USP32: variants seen among roughly 807,000 people sequenced by gnomAD.
USP32 encodes ubiquitin carboxyl-terminal hydrolase 32.
USP32 carries 59 observed loss-of-function variants against 204.8 expected under a neutral mutation model. That is an observed-to-expected ratio of 0.29 (90% CI 0.23 to 0.36). The LOEUF (loss-of-function observed/expected upper bound fraction) is 0.36. Among genes scored for constraint, USP32 ranks in the 10% least tolerant of loss-of-function variants. The pLI, the probability that USP32 is intolerant of heterozygous loss-of-function variation, is 1.00. For synonymous variants in USP32, 517 were observed against 678.4 expected (o/e 0.76, Z 3.70); for missense variants, 1,160 against 1,946.4 (o/e 0.60, Z 7.60).
chr17:60,368,008 T>TACTA (rs796154522), intron 1 of USP32, among the ~76,000 whole-genome samples: 4 of 152,000 alleles, frequency 2.6e-5, no homozygotes, highest in African/African-American at 9.7e-5. Context: ...TACATGCAAA[T>TACTA]ACTACACCAT....
upstream of USP32, chr17:60,392,512 C>A: frequency 3.2e-6 from 1 of 308,678 alleles, no homozygotes; most frequent in Admixed American, 4.0e-5. Flanking sequence ...CATGTTCTGG[C>A]GTTCGGCGGG....
chr17:60,236,104 G>A, intron 12 of USP32, 34 bp downstream of exon 12: 2 of 1,572,546 alleles, frequency 1.3e-6, no homozygotes, highest in Non-Finnish European at 1.7e-6. Flanking sequence ...TGAAAATCCT[G>A]TGAAAAATGT....
intron 21 of USP32, among the ~76,000 whole-genome samples, chr17:60,210,031 T>C (rs1275133160): frequency 1.3e-5 from 2 of 152,076 alleles, no homozygotes; most frequent in African/African-American, 2.4e-5. Flanking sequence ...TAATATAATG[T>C]TGTCTTCAAC....
intron 11 of USP32, among the ~76,000 whole-genome samples, chr17:60,239,403 CA>C (rs2085817723): frequency 1.3e-5 from 2 of 152,304 alleles, no homozygotes; most frequent in South Asian, 4.1e-4. Flanking sequence ...ATTATTTCTT[CA>C]AATATTCTGC....
chr17:60,199,253 T>C lies in USP32; in HGVS notation c.3250-809A>G, dbSNP rs114944889. Among the ~76,000 whole-genome samples the C allele has an allele frequency of 1.8e-3, 275 of 152,296 alleles. 2 individuals are homozygous for C. The highest frequency in any genetic ancestry group is 5.5e-3 in the African/African-American group (229 of 41,576). ...AGTTTTGGAGATTTGTGAAACCTAG[T>C]AATTCTATTTTATAACAAGCTTATC... is the stretch of plus-strand genomic sequence containing the variant. On this transcript the variant is annotated intron_variant, in intron 26 of 33. Coordinates refer to ENST00000300896, the MANE Select transcript of USP32 (RefSeq NM_032582.4).
Position 60,261,767 on chromosome 17 carries a change from T to C in USP32, c.990+3645A>G, listed in dbSNP as rs8079594. Reference sequence around the variant, plus strand: ...ACCTTTTATATCTAACAGAACAAAATATAAAATGCTCAAGATGGTAAAAAG... The same window carrying C: ...ACCTTTTATATCTAACAGAACAAAACATAAAATGCTCAAGATGGTAAAAAG... On this transcript the variant is annotated intron_variant, in intron 9 of 33. Transcript: ENST00000300896. Among the ~76,000 whole-genome samples, 1,023 of 152,280 alleles carry C rather than the reference T, an allele frequency of 6.7e-3. 13 individuals are homozygous for C. Among genetic ancestry groups the C allele is most frequent in the African/African-American group, 0.023 (963 of 41,556 alleles).
chr17:60,365,295 G>A (rs1029019159), intron 1 of USP32, among the ~76,000 whole-genome samples: 1 of 151,892 alleles, frequency 6.6e-6, no homozygotes, highest in African/African-American at 2.4e-5. Flanking sequence ...CCTGGCCAAC[G>A]TGGTGAAACC....
chr17:60,271,225 C>T lies in USP32; in HGVS notation c.703+125G>A, dbSNP rs560980435. On this transcript the variant is annotated intron_variant, in intron 6 of 33. Coordinates refer to ENST00000300896, the MANE Select transcript of USP32 (RefSeq NM_032582.4). ...AATAATTCCCATTTGTTTTTCCCCA[C>T]TCCATTAAACCTGCAAACATATGAG... 39 of 1,239,948 alleles carry T rather than the reference C, an allele frequency of 3.1e-5. No individual in the cohort carries two copies. The South Asian group carries it at 6.3e-4, about 20-fold the overall frequency. 76.8% of individuals were successfully genotyped at this position (1,239,948 alleles called of 1,614,324 possible).
In USP32 at chr17:60,222,554, G is replaced by C; in HGVS notation, c.1609-5C>G. ...TTCTAGTGTTAATGATGTAGCCTGA[G>C]AAAGAATAGAATGACAATGTTGACT... On this transcript the variant is annotated splice_region_variant and splice_polypyrimidine_tract_variant and intron_variant, in intron 14 of 33. Transcript: ENST00000300896. 1 of 1,611,846 alleles carries C rather than the reference G, an allele frequency of 6.2e-7. No individual in the cohort carries two copies. Among genetic ancestry groups the C allele is most frequent in the Non-Finnish European group, 8.5e-7 (1 of 1,178,824 alleles).
chr17:60,183,373 A>G lies in USP32; in HGVS notation c.3915T>C (p.Ser1305=). The part of the protein sequence containing the change: ...SQKIVKFPRE[S]FDPSAFLVPR... ...GTACCAAAAAAGCACTTGGATCAAA[A>G]CTTTCCCGAGGAAATTTGACAATTT... The change falls in exon 31 of 34, where the codon AGT becomes AGC. Residue 1305 remains serine (S), a synonymous_variant. Coordinates refer to ENST00000300896, the MANE Select transcript of USP32 (RefSeq NM_032582.4). 4 of 1,613,790 alleles carry G rather than the reference A, an allele frequency of 2.5e-6. No homozygotes were observed. In the South Asian group the frequency reaches 3.3e-5, roughly 13 times the overall value.
chr17:60,186,780 G>T (rs1027642145), intron 29 of USP32, among the ~76,000 whole-genome samples: 4 of 152,110 alleles, frequency 2.6e-5, no homozygotes, highest in Non-Finnish European at 4.4e-5. Flanking sequence ...ACGGAGAGAA[G>T]GAAGGATCTA....
chr17:60,196,748 C>T (rs1047193632), intron 27 of USP32, among the ~76,000 whole-genome samples: 2 of 151,884 alleles, frequency 1.3e-5, no homozygotes, highest in Non-Finnish European at 2.9e-5. Flanking sequence ...TCGCTTGAAC[C>T]CAGGAGGTGG....
At position 60,265,977 on chromosome 17, in the gene USP32, G is replaced by A; in HGVS notation, c.926C>T (p.Pro309Leu). Residue 309 changes from proline (P) to leucine (L), a missense_variant and splice_region_variant, in exon 8 of 34, where the codon CCT (proline) becomes CTT (leucine). Coordinates refer to ENST00000300896, the MANE Select transcript of USP32 (RefSeq NM_032582.4). ...VWKDNRTDDI[P>L]ELHMDLSDIV... ...AAGACATACACAATCATAACTTACA[G>A]GAATATCATCAGTGCGGTTGTCCTT... The A allele has an allele frequency of 6.2e-7, 1 of 1,611,108 alleles. No homozygotes were observed. The highest frequency in any genetic ancestry group is 1.1e-5 in the South Asian group (1 of 90,972).
intron 2 of USP32, among the ~76,000 whole-genome samples, chr17:60,303,377 C>G (rs943316794): frequency 3.3e-5 from 5 of 152,006 alleles, no homozygotes; most frequent in Non-Finnish European, 7.4e-5. Flanking sequence ...AAGTGTCACC[C>G]CTAATATCCA....
chr17:60,272,475 T>G (rs751177922), intron 5 of USP32, among the ~76,000 whole-genome samples: 1 of 152,254 alleles, frequency 6.6e-6, no homozygotes, highest in Non-Finnish European at 1.5e-5. Context: ...ATAGGACATT[T>G]ATTCTCAACT....
At chr17:60,228,557 C>T (rs574649650) in intron 12 of USP32, among the ~76,000 whole-genome samples, 1 of 134,166 alleles carries the variant, frequency 7.5e-6, no homozygotes, top group South Asian at 2.3e-4. Context: ...TGGCTCATGT[C>T]TGTAATCCCT....
chr17:60,241,841 C>T (rs2085886210), intron 11 of USP32, among the ~76,000 whole-genome samples: 1 of 152,088 alleles, frequency 6.6e-6, no homozygotes, highest in South Asian at 2.1e-4. Context: ...TTTCTTAATG[C>T]TCTCTCTTGA....
intron 2 of USP32, among the ~76,000 whole-genome samples, chr17:60,302,800 C>CA (rs1276117676): frequency 6.6e-6 from 1 of 151,954 alleles, no homozygotes; most frequent in Non-Finnish European, 1.5e-5. Flanking sequence ...CAAAGAGACT[C>CA]AAAAAAATAT....
intron 1 of USP32, chr17:60,422,011 A>C: frequency 1.1e-6 from 1 of 939,762 alleles, no homozygotes; most frequent in Non-Finnish European, 1.3e-6. Context: ...CATCCCACCC[A>C]GTACCCAGCA....
Sources: allele counts gnomAD v4.1 joint callset (sites outside exome capture counted in the v4.1 genomes callset), GRCh38; gene constraint gnomAD v4.1.1; transcripts MANE v1.5; gene names NCBI Gene and HGNC (gene_info 2026-07-23, HGNC 2026-07-21).